Variants in CRLF3 observed in about 807,000 individuals in gnomAD.
CRLF3 encodes cytokine receptor like factor 3.
In CRLF3, 33 loss-of-function variants were observed where a neutral mutation model predicts 55.0. The observed-to-expected ratio is 0.60, with a 90% confidence interval of 0.46 to 0.80. The LOEUF is 0.80. CRLF3 is among the 30% of genes least tolerant of loss of function. The pLI is 0.00. For synonymous variants in CRLF3, 238 were observed against 196.8 expected, an observed-to-expected ratio of 1.21 and a Z score of -1.75; for missense variants, 494 against 538.4, an observed-to-expected ratio of 0.92 and a Z score of 0.82.
chr17:30,805,043 C>T (rs773220284), intron 1 of CRLF3, among the ~76,000 whole-genome samples: 9 of 151,948 alleles, frequency 5.9e-5, no homozygotes, highest in Admixed American at 2.0e-4. Context: ...ATTAGCTGGA[C>T]GTGGTAGTGC....
intron 4 of CRLF3, 21 bp from the exon 5 acceptor site, chr17:30,793,693 T>A (rs1236904151): frequency 1.3e-6 from 2 of 1,562,356 alleles, no homozygotes; most frequent in African/African-American, 2.7e-5. Context: ...AAGCTTTATG[T>A]TAGGTAAAAA....
intron 6 of CRLF3, among the ~76,000 whole-genome samples, chr17:30,789,178 T>G (rs1054628306): frequency 1.3e-5 from 2 of 152,092 alleles, no homozygotes; most frequent in Non-Finnish European, 2.9e-5. Context: ...TTAACTGAAT[T>G]TCAGTTAATC....
chr17:30,795,861 G>A (rs542383804), intron 4 of CRLF3, among the ~76,000 whole-genome samples: 3 of 152,148 alleles, frequency 2.0e-5, no homozygotes, highest in Non-Finnish European at 4.4e-5. Context: ...GCTTGAACCC[G>A]GGGGAAGCGG....
intron 6 of CRLF3, among the ~76,000 whole-genome samples, chr17:30,789,447 G>C (rs1971735640): frequency 6.6e-6 from 1 of 152,168 alleles, no homozygotes; most frequent in South Asian, 2.1e-4. Flanking sequence ...GTGGTGAAAG[G>C]TCATAAGAGG....
chr17:30,787,496 A>C (rs1971675283), intron 6 of CRLF3: 1 of 151,712 alleles, frequency 6.6e-6, no homozygotes, highest in Non-Finnish European at 1.5e-5. Context: ...ATTGCCAGAC[A>C]CATCATTCTC....
chr17:30,807,795 A>G (rs773067724), intron 1 of CRLF3, among the ~76,000 whole-genome samples: 12 of 152,100 alleles, frequency 7.9e-5, no homozygotes, highest in Non-Finnish European at 1.5e-4. Context: ...AAGTGCTGGG[A>G]TAAGGCGTGA....
At chr17:30,802,164 C>T (rs1383419196) in intron 2 of CRLF3, among the ~76,000 whole-genome samples, 1 of 152,048 alleles carries the variant, frequency 6.6e-6, no homozygotes, top group African/African-American at 2.4e-5. Context: ...ACTCTGTCAC[C>T]CAGGCTGGAG....
chr17:30,784,709 A>T (rs897797189), intron 7 of CRLF3: 1 of 339,054 alleles, frequency 2.9e-6, no homozygotes, highest in African/African-American at 2.1e-5. Context: ...TTCTTATGGA[A>T]TAAACAAGAA....
intron 1 of CRLF3, among the ~76,000 whole-genome samples, chr17:30,806,087 CCCT>C (rs1280825573): frequency 6.6e-6 from 1 of 152,008 alleles, no homozygotes; most frequent in Non-Finnish European, 1.5e-5. Flanking sequence ...GGATAAAATG[CCCT>C]CATTATGCTA....
At chr17:30,787,385 G>A (rs976780434) in intron 6 of CRLF3, 2 of 152,154 alleles carry the variant, frequency 1.3e-5, no homozygotes, top group African/African-American at 4.8e-5. Context: ...ATTCAAGCAT[G>A]AAGAACTTCC....
intron 1 of CRLF3, among the ~76,000 whole-genome samples, chr17:30,805,023 A>C (rs921710722): frequency 3.3e-5 from 5 of 152,116 alleles, no homozygotes; most frequent in Admixed American, 6.6e-5. Context: ...TATCTACTAA[A>C]AATACAAAAA....
At chr17:30,819,453 C>T (rs896582431) in intron 1 of CRLF3, among the ~76,000 whole-genome samples, 9 of 152,186 alleles carry the variant, frequency 5.9e-5, no homozygotes, top group Admixed American at 6.5e-5. Context: ...GACATCACTA[C>T]GTGACATTTT....
chr17:30,811,763 C>T (rs557328809), intron 1 of CRLF3, among the ~76,000 whole-genome samples: 1 of 141,092 alleles, frequency 7.1e-6, no homozygotes, highest in Admixed American at 7.5e-5. Context: ...GAGGCCGTGC[C>T]ACTGCACTCC....
At chr17:30,810,246 T>C (rs776445645) in intron 1 of CRLF3, among the ~76,000 whole-genome samples, 5 of 152,226 alleles carry the variant, frequency 3.3e-5, no homozygotes, top group African/African-American at 4.8e-5. Context: ...AAACCTTTAA[T>C]GTAACAGACC....
intron 1 of CRLF3, among the ~76,000 whole-genome samples, chr17:30,807,483 CT>C (rs1255138707): frequency 7.3e-6 from 1 of 137,286 alleles, no homozygotes; most frequent in African/African-American, 2.7e-5. Context: ...GTATCATTTA[CT>C]GGGTGGGCAG....
At chr17:30,787,919 G>A (rs1391374359) in intron 6 of CRLF3, among the ~76,000 whole-genome samples, 2 of 152,046 alleles carry the variant, frequency 1.3e-5, no homozygotes, top group Non-Finnish European at 2.9e-5. Flanking sequence ...AGGGTCACTT[G>A]AACCTGTGAG....
At chr17:30,789,510 C>A (rs1346684380) in intron 6 of CRLF3, among the ~76,000 whole-genome samples, 3 of 152,140 alleles carry the variant, frequency 2.0e-5, no homozygotes, top group African/African-American at 7.2e-5. Flanking sequence ...GACTTCAACA[C>A]TAACTAGAAT....
At chr17:30,800,861 G>A (rs1461482876) in intron 2 of CRLF3, among the ~76,000 whole-genome samples, 1 of 149,170 alleles carries the variant, frequency 6.7e-6, no homozygotes, top group Non-Finnish European at 1.5e-5. Flanking sequence ...TGCAAGCTCC[G>A]CCTCCTGGGT....
intron 1 of CRLF3, among the ~76,000 whole-genome samples, chr17:30,822,062 C>CAA (rs576859607): frequency 1.9e-3 from 104 of 56,064 alleles, no homozygotes; most frequent in African/African-American, 5.2e-3. Flanking sequence ...GCACCCCCGC[C>CAA]AAAAAAAAAA....
Sources: allele counts gnomAD v4.1 joint callset (sites outside exome capture counted in the v4.1 genomes callset), GRCh38; gene constraint gnomAD v4.1.1; transcripts MANE v1.5; gene names NCBI Gene and HGNC (gene_info 2026-07-23, HGNC 2026-07-21).